The following SRP54 variants were observed in gnomAD, a reference collection of about 807,000 sequenced individuals.
The protein encoded by SRP54 is signal recognition particle 54.
Under a neutral mutation model 64.8 loss-of-function variants are expected in SRP54, and 10 were observed. That is an observed-to-expected ratio of 0.15 (90% CI 0.10 to 0.26). SRP54 has a LOEUF of 0.26. Ranked by LOEUF, SRP54 falls within the 10% of genes least tolerant of loss-of-function variation. SRP54 has a pLI of 1.00. For missense variants in SRP54, 325 were observed against 613.7 expected (o/e 0.53, Z 4.97); for synonymous variants, 193 against 185.6 (o/e 1.04, Z -0.32).
intron 1 of SRP54, among the ~76,000 whole-genome samples, chr14:34,983,886 C>T (rs2043850601): frequency 6.6e-6 from 1 of 152,148 alleles, no homozygotes; most frequent in Non-Finnish European, 1.5e-5. Context: ...ACACTAGTTG[C>T]ATATAAAGAG....
chr14:35,003,740 C>T (rs1161585129), intron 4 of SRP54, among the ~76,000 whole-genome samples: 2 of 150,914 alleles, frequency 1.3e-5, no homozygotes, highest in Non-Finnish European at 3.0e-5. Flanking sequence ...TTGAGACCAG[C>T]CTGAGCAACA....
At chr14:34,991,475 A>G (rs1329810511) in intron 1 of SRP54, among the ~76,000 whole-genome samples, 1 of 150,706 alleles carries the variant, frequency 6.6e-6, no homozygotes, top group East Asian at 1.9e-4. Context: ...AAATAATATA[A>G]ATAAGCCATA....
intron 2 of SRP54, among the ~76,000 whole-genome samples, chr14:34,997,408 G>A (rs947546629): frequency 6.6e-6 from 1 of 152,126 alleles, no homozygotes; most frequent in African/African-American, 2.4e-5. Flanking sequence ...TGGTTCACAA[G>A]TATACTTTAT....
intron 2 of SRP54, among the ~76,000 whole-genome samples, chr14:34,997,301 C>T (rs2044086332): frequency 6.6e-6 from 1 of 152,122 alleles, no homozygotes; most frequent in Admixed American, 6.5e-5. Flanking sequence ...TATTAAAATA[C>T]TTTTCTTCCC....
intron 8 of SRP54, 100 bp from the exon 9 acceptor site, chr14:35,013,246 C>A: frequency 8.7e-7 from 1 of 1,153,204 alleles, no homozygotes; most frequent in Non-Finnish European, 1.2e-6. Context: ...TGAGCCACTG[C>A]ACCTGGCTCT....
intron 1 of SRP54, among the ~76,000 whole-genome samples, chr14:34,993,941 T>C (rs1381816265): frequency 6.6e-6 from 1 of 152,092 alleles, no homozygotes; most frequent in Non-Finnish European, 1.5e-5. Context: ...GTGATCCGCC[T>C]GCCTCGGCCT....
At position 35,013,406 on chromosome 14, in the gene SRP54, G is replaced by A; in HGVS notation, c.697G>A (p.Ala233Thr). 6.2e-7 allele frequency: 1 copy of A among 1,614,160 alleles called. No homozygotes were observed. Among genetic ancestry groups the A allele is most frequent in the African/African-American group, 1.3e-5 (1 of 75,062 alleles). The change falls in exon 9 of 16, where the codon GCT (alanine) becomes ACT (threonine). Residue 233 changes from alanine (A) to threonine (T), a missense_variant. By Grantham distance (58) the Ala-to-Thr change is moderately conservative. Around this residue, in one of 3 missense-constraint regions of SRP54, gnomAD observed 146 missense variants for 337.4 expected, o/e 0.43. Coordinates refer to ENST00000216774, the MANE Select transcript of SRP54 (RefSeq NM_003136.4). ...CATTGGGCAGGCTTGTGAAGCCCAG[G>A]CTAAGGCTTTTAAAGATAAAGTAGA... is the stretch of plus-strand genomic sequence containing the variant. ...ASIGQACEAQ[A>T]KAFKDKVDVA...
chr14:34,991,904 C>T (rs2043986380), intron 1 of SRP54, among the ~76,000 whole-genome samples: 1 of 152,112 alleles, frequency 6.6e-6, no homozygotes, highest in African/African-American at 2.4e-5. Flanking sequence ...GTTCTTACTC[C>T]TCTACTGAAA....
In SRP54 at chr14:34,983,092, G is replaced by A. The variant is rs2043830502; in HGVS notation, c.-157G>A. ...GACCCTACTTTATCTAGTTCGGGAA[G>A]TTGGGTTGTGGGGTCATACCTGTCT... On this transcript the variant is annotated 5_prime_UTR_variant, in exon 1 of 16. Coordinates refer to ENST00000216774, the MANE Select transcript of SRP54 (RefSeq NM_003136.4). The A allele has an allele frequency of 6.6e-6, 1 of 152,296 alleles. No homozygotes were observed. The highest frequency in any genetic ancestry group is 1.5e-5 in the Non-Finnish European group (1 of 68,078). The allele number at this position is 152,296 out of a possible 1,614,324, so 9.4% of individuals were successfully genotyped here.
At chr14:34,988,372 G>T (rs1324912296) in intron 1 of SRP54, among the ~76,000 whole-genome samples, 14 of 150,492 alleles carry the variant, frequency 9.3e-5, no homozygotes. Flanking sequence ...GACCATCCTG[G>T]CCAACATGGT....
intron 14 of SRP54, among the ~76,000 whole-genome samples, chr14:35,025,844 TC>T (rs2044612020): frequency 6.6e-6 from 1 of 152,146 alleles, no homozygotes; most frequent in Admixed American, 6.6e-5. Context: ...GAGCTTTGAG[TC>T]CCATATTTTA....
Position 35,029,183 on chromosome 14 carries a change from T to A in SRP54, c.*31T>A, listed in dbSNP as rs369365544. Reference sequence around the variant, plus strand: ...ATGCCTTAATATAAACTGACTCAGTTGAATACCTAATTTGCTGAGACCTCA... The same window carrying A: ...ATGCCTTAATATAAACTGACTCAGTAGAATACCTAATTTGCTGAGACCTCA... On this transcript the variant is annotated 3_prime_UTR_variant, in exon 16 of 16. Coordinates refer to ENST00000216774, the MANE Select transcript of SRP54 (RefSeq NM_003136.4). The A allele has an allele frequency of 5.1e-6, 8 of 1,569,822 alleles. No individual in the cohort carries two copies. Among genetic ancestry groups the A allele is most frequent in the Non-Finnish European group, 7.0e-6 (8 of 1,144,940 alleles).
intron 1 of SRP54, among the ~76,000 whole-genome samples, chr14:34,994,753 C>G (rs2044039429): frequency 6.6e-6 from 1 of 151,960 alleles, no homozygotes; most frequent in South Asian, 2.1e-4. Flanking sequence ...CCTATACTCT[C>G]TGCCTTAGTC....
At chr14:35,028,325 T>C in intron 15 of SRP54, 142 bp downstream of exon 15, 1 of 532,436 alleles carries the variant, frequency 1.9e-6, no homozygotes, top group Non-Finnish European at 3.3e-6. Flanking sequence ...GAATCCTAAG[T>C]TGAATTCAAT....
chr14:35,000,905 C>T (rs769281759), intron 3 of SRP54, 31 bp from the exon 4 acceptor site: 4 of 1,346,432 alleles, frequency 3.0e-6, no homozygotes, highest in African/African-American at 3.0e-5. Context: ...TTTTCTCCTC[C>T]CCACCCCAAT....
intron 11 of SRP54, among the ~76,000 whole-genome samples, chr14:35,015,067 T>C (rs1399828120): frequency 6.6e-6 from 1 of 152,170 alleles, no homozygotes; most frequent in Non-Finnish European, 1.5e-5. Context: ...AGGCTTTCAC[T>C]AGGTTCCTTG....
At chr14:34,995,179 GTGTGTGTGTA>G (rs2044052243) in intron 1 of SRP54, among the ~76,000 whole-genome samples, 1 of 116,248 alleles carries the variant, frequency 8.6e-6, no homozygotes, top group Non-Finnish European at 2.1e-5. Flanking sequence ...GTGTGTGTGT[GTGTGTGTGTA>G]GAGAGAGAGA....
chr14:35,002,920 A>G (rs12882986), intron 4 of SRP54, among the ~76,000 whole-genome samples: 30,636 of 150,908 alleles, frequency 0.2, 3,690 homozygotes, highest in Non-Finnish European at 0.28. Context: ...TAGTTTTTGC[A>G]TTTTTTGTAG....
intron 1 of SRP54, 133 bp from the exon 2 acceptor site, chr14:34,996,544 A>C: frequency 1.9e-6 from 1 of 529,062 alleles, no homozygotes; most frequent in Non-Finnish European, 3.4e-6. Context: ...GTATTTAAGC[A>C]CAGGTTGAGG....
Sources: allele counts gnomAD v4.1 joint callset (sites outside exome capture counted in the v4.1 genomes callset), GRCh38; gene constraint gnomAD v4.1.1; regional missense constraint gnomAD v4.1.1; transcripts MANE v1.5; gene names NCBI Gene and HGNC (gene_info 2026-07-23, HGNC 2026-07-21).